RORA: variants seen among roughly 807,000 people sequenced by gnomAD.
RORA encodes nuclear receptor ROR-alpha.
In RORA, 7 loss-of-function variants were observed where a neutral mutation model predicts 69.5. That is an observed-to-expected ratio of 0.10 (90% confidence interval 0.06 to 0.19). The LOEUF (loss-of-function observed/expected upper bound fraction) is 0.19, where lower values mean the gene tolerates loss of function less well. Ranked by LOEUF, RORA falls within the 10% of genes least tolerant of loss-of-function variation. The pLI is 1.00. For synonymous variants in RORA, 261 were observed against 240.8 expected, an observed-to-expected ratio of 1.08 and a Z score of -0.78; for missense variants, 457 against 663.0, an observed-to-expected ratio of 0.69 and a Z score of 3.41.
At chr15:61,129,506 AG>A (rs1205389233) in intron 1 of RORA, among the ~76,000 whole-genome samples, 4 of 152,226 alleles carry the variant, frequency 2.6e-5, no homozygotes, top group African/African-American at 9.6e-5. Flanking sequence ...GGGGATGAAA[AG>A]GTTCTGGAAC....
chr15:60,944,208 C>T (rs1892793458), intron 1 of RORA, among the ~76,000 whole-genome samples: 1 of 152,098 alleles, frequency 6.6e-6, no homozygotes, highest in African/African-American at 2.4e-5. Flanking sequence ...CACCCTGGTC[C>T]CACCTGGGAA....
intron 1 of RORA, among the ~76,000 whole-genome samples, chr15:60,904,591 C>A (rs1235495625): frequency 6.6e-6 from 1 of 152,154 alleles, no homozygotes; most frequent in Non-Finnish European, 1.5e-5. Context: ...TCATTTTACC[C>A]TCTCTTCCAG....
At chr15:61,103,781 A>G (rs754878224) in intron 1 of RORA, among the ~76,000 whole-genome samples, 52 of 152,276 alleles carry the variant, frequency 3.4e-4, no homozygotes, top group Non-Finnish European at 2.9e-4. Flanking sequence ...ATTTGCATGT[A>G]GGAAAGAGGC....
At chr15:61,037,023 G>T in intron 1 of RORA, among the ~76,000 whole-genome samples, 1 of 152,022 alleles carries the variant, frequency 6.6e-6, no homozygotes, top group South Asian at 2.1e-4. Context: ...TTTGTCAGGC[G>T]GCAACAGGGT....
intron 1 of RORA, among the ~76,000 whole-genome samples, chr15:61,051,380 C>G (rs1897282764): frequency 6.6e-6 from 1 of 152,166 alleles, no homozygotes; most frequent in African/African-American, 2.4e-5. Flanking sequence ...GTGGGGCACA[C>G]TGATCCACAA....
chr15:60,943,422 A>G (rs1415045843), intron 1 of RORA, among the ~76,000 whole-genome samples: 3 of 151,826 alleles, frequency 2.0e-5, no homozygotes, highest in Admixed American at 6.6e-5. Flanking sequence ...TTGCTGTATC[A>G]AGGTCATACT....
Position 60,511,174 on chromosome 15 carries a change from T to C in RORA, c.820+52A>G. On this transcript the variant is annotated intron_variant, in intron 5 of 10. Coordinates refer to ENST00000335670, the MANE Select transcript of RORA (RefSeq NM_134261.3). This position sits in a 1 kb window ranked among gnomAD's most constrained non-coding sequence, Gnocchi z 6.4. ...AGAGGAAAGTCAGACATACCCCTTT[T>C]ACTTCAAAGGGCATGAATAGAGCAT... 6.5e-7 allele frequency: 1 copy of C among 1,537,642 alleles called. No homozygotes were observed. The highest frequency in any genetic ancestry group is 8.8e-7 in the Non-Finnish European group (1 of 1,135,268).
At chr15:60,527,057 T>C (rs2066382833) in intron 3 of RORA, among the ~76,000 whole-genome samples, 1 of 152,240 alleles carries the variant, frequency 6.6e-6, no homozygotes, top group South Asian at 2.1e-4. Flanking sequence ...TCATCTTAAA[T>C]GTATTGATTG....
At chr15:60,653,416 C>A (rs1184659158) in intron 2 of RORA, among the ~76,000 whole-genome samples, 1 of 151,812 alleles carries the variant, frequency 6.6e-6, no homozygotes, top group Admixed American at 6.6e-5. Flanking sequence ...CAAGGGAAAC[C>A]ACAGAAGACA....
At chr15:60,746,272 T>C (rs1173712538) in intron 1 of RORA, among the ~76,000 whole-genome samples, 2 of 152,130 alleles carry the variant, frequency 1.3e-5, no homozygotes, top group Non-Finnish European at 2.9e-5. Context: ...GGCTGCCAGC[T>C]GTCAGGGGTG....
intron 2 of RORA, among the ~76,000 whole-genome samples, chr15:60,595,321 T>C (rs1299459723): frequency 1.3e-5 from 2 of 152,098 alleles, no homozygotes; most frequent in Non-Finnish European, 2.9e-5. Context: ...AAGACCAACC[T>C]GGGCAACATG....
chr15:60,748,931 G>A (rs927837241), intron 1 of RORA, among the ~76,000 whole-genome samples: 6 of 152,086 alleles, frequency 3.9e-5, no homozygotes, highest in Non-Finnish European at 7.4e-5. Flanking sequence ...GGAGTTTCCC[G>A]GTTACCTTAA....
intron 3 of RORA, among the ~76,000 whole-genome samples, chr15:60,521,590 T>C (rs1276487792): frequency 1.3e-5 from 2 of 152,180 alleles, no homozygotes; most frequent in South Asian, 4.1e-4. Context: ...CCCGAAGACT[T>C]TGACTTCCTT....
chr15:60,996,078 T>G (rs940223), intron 1 of RORA, among the ~76,000 whole-genome samples: 64,702 of 121,998 alleles, frequency 0.53, 15,472 homozygotes, highest in African/African-American at 0.69. Context: ...TTTGTTTTTT[T>G]TTTTTTTTTT....
At chr15:60,903,205 G>A (rs924019402) in intron 1 of RORA, among the ~76,000 whole-genome samples, 1 of 152,158 alleles carries the variant, frequency 6.6e-6, no homozygotes, top group East Asian at 1.9e-4. Flanking sequence ...AGAAGACAAT[G>A]TAGACTCCTG....
intron 1 of RORA, among the ~76,000 whole-genome samples, chr15:61,136,312 T>C (rs887892851): frequency 6.6e-6 from 1 of 152,210 alleles, no homozygotes; most frequent in Non-Finnish European, 1.5e-5. Flanking sequence ...TAAACAGTTA[T>C]GTGATGCTGA....
rs1364488160 is a variant in RORA, at chr15:60,534,302, G to T, written c.197-2451C>A. ...GGGGTGAGGGTAGGGGTGCGGGTGGGGAGCAGTTGTAGTACAGACCCCAGA... is the reference window on the plus strand; with the variant it reads ...GGGGTGAGGGTAGGGGTGCGGGTGGTGAGCAGTTGTAGTACAGACCCCAGA... On this transcript the variant is annotated intron_variant, in intron 2 of 10. Transcript: ENST00000335670. The surrounding 1 kb of genome is among the most constrained non-coding windows in gnomAD (Gnocchi z 5.0). Among the ~76,000 whole-genome samples, 2 of 152,134 alleles carry T rather than the reference G, an allele frequency of 1.3e-5. No individual in the cohort carries two copies. Among genetic ancestry groups the T allele is most frequent in the African/African-American group, 2.4e-5 (1 of 41,404 alleles).
intron 1 of RORA, among the ~76,000 whole-genome samples, chr15:60,729,800 C>A (rs1228022750): frequency 6.6e-6 from 1 of 152,176 alleles, no homozygotes; most frequent in Non-Finnish European, 1.5e-5. Context: ...AATATGAAGT[C>A]TAATCCAACT....
intron 2 of RORA, among the ~76,000 whole-genome samples, chr15:60,626,249 T>C (rs149035450): frequency 6.6e-6 from 1 of 152,290 alleles, no homozygotes; most frequent in Non-Finnish European, 1.5e-5. Context: ...TAGCTGAGCA[T>C]ACAGGGAATT....
Sources: gnomAD v4.1 joint callset for allele counts (sites outside exome capture counted in the v4.1 genomes callset) on GRCh38, gnomAD v4.1.1 for gene constraint, Gnocchi (gnomAD v3.1) non-coding constraint, MANE v1.5 for transcripts, NCBI Gene and HGNC (gene_info 2026-07-23, HGNC 2026-07-21) for gene names.